The following FRMPD1 variants were observed in gnomAD, a reference collection of about 807,000 sequenced individuals.
FRMPD1 encodes the protein FERM and PDZ domain containing 1, also known as FERM and PDZ domain-containing protein 1.
A neutral mutation model predicts 117.8 loss-of-function variants in FRMPD1; 76 were observed. The ratio of observed to expected loss-of-function variants is 0.65; its 90% CI spans 0.54 to 0.78. The LOEUF (loss-of-function observed/expected upper bound fraction) is 0.78. Ranked by LOEUF, FRMPD1 falls within the 30% of genes least tolerant of loss-of-function variation. FRMPD1 has a pLI of 0.00. For synonymous variants in FRMPD1, 783 were observed against 770.4 expected, an observed-to-expected ratio of 1.02 and a Z score of -0.27; for missense variants, 1,786 against 1,964.5, an observed-to-expected ratio of 0.91 and a Z score of 1.72.
intron 1 of FRMPD1, among the ~76,000 whole-genome samples, chr9:37,681,755 A>G (rs1381271689): frequency 6.6e-6 from 1 of 152,198 alleles, no homozygotes; most frequent in Non-Finnish European, 1.5e-5. Flanking sequence ...AATTCAACAA[A>G]TCTCGATTGA....
In FRMPD1 at chr9:37,746,327, TA is replaced by T. The variant is rs781459765; in HGVS notation, c.4296del (p.Gln1433LysfsTer4). 6.8e-6 allele frequency: 11 copies of T among 1,612,590 alleles called. No homozygotes were observed. Among genetic ancestry groups the T allele is most frequent in the Non-Finnish European group, 9.3e-6 (11 of 1,179,782 alleles). ...CAACTCATGGAGAGCTTGCTGGAGC[TA>T]CAAGACATTTTAGAAACTTCCTGGG... is the stretch of plus-strand genomic sequence containing the variant. Reference protein sequence around the residue: ...FIQLMESLLELQDILETSWGV... With the variant: ...FIQLMESLLEXQDILETSWGV... On this transcript the variant is annotated frameshift_variant, in exon 16 of 16. Transcript: ENST00000377765. LOFTEE classifies it high-confidence loss of function.
At chr9:37,733,275 A>C (rs1823972048) in intron 10 of FRMPD1, among the ~76,000 whole-genome samples, 198 bp from the exon 11 acceptor site, 1 of 152,182 alleles carries the variant, frequency 6.6e-6, no homozygotes. Context: ...AATGGGGTTT[A>C]GTTCCTGAAT....
chr9:37,650,713 C>T (rs1339729310), upstream of FRMPD1, among the ~76,000 whole-genome samples: 2 of 152,116 alleles, frequency 1.3e-5, no homozygotes, highest in Admixed American at 6.5e-5. Flanking sequence ...ACGCTGCGTG[C>T]CCCGGCGGTG....
intron 1 of FRMPD1, among the ~76,000 whole-genome samples, chr9:37,674,143 G>A (rs1821446737): frequency 6.6e-6 from 1 of 152,184 alleles, no homozygotes; most frequent in South Asian, 2.1e-4. Flanking sequence ...AAAACGGAAT[G>A]CCTTTGACAG....
In FRMPD1 at chr9:37,737,083, T is replaced by C. The variant is rs754404290; in HGVS notation, c.1402-13T>C. 8.1e-6 allele frequency: 13 copies of C among 1,607,404 alleles called. No individual in the cohort carries two copies. The highest frequency in any genetic ancestry group is 2.2e-5 in the South Asian group (2 of 90,836). ...GTCCTTGATAAACATGAGATTTCTA[T>C]TTGCTTTCAAAGGTTCTGACTTTGC... On this transcript the variant is annotated splice_polypyrimidine_tract_variant and intron_variant, in intron 13 of 15. Transcript: ENST00000377765.
chr9:37,695,794 G>T (rs1007098256), intron 2 of FRMPD1, among the ~76,000 whole-genome samples: 1 of 151,920 alleles, frequency 6.6e-6, no homozygotes, highest in Non-Finnish European at 1.5e-5. Flanking sequence ...TCTCTCCCTG[G>T]GACCCCCGCA....
the FRMPD1 span, among the ~76,000 whole-genome samples, chr9:37,644,215 A>G: frequency 6.6e-6 from 1 of 152,240 alleles, no homozygotes; most frequent in Non-Finnish European, 1.5e-5. Flanking sequence ...CCACAGAGCT[A>G]TTTGCAGGAA....
At chr9:37,709,376 T>A in intron 4 of FRMPD1, among the ~76,000 whole-genome samples, 1 of 150,578 alleles carries the variant, frequency 6.6e-6, no homozygotes, top group Non-Finnish European at 1.5e-5. Flanking sequence ...TTTTTTGAGA[T>A]GGGGACTTGC....
intron 4 of FRMPD1, 146 bp from the exon 5 acceptor site, chr9:37,711,203 CA>C: frequency 4.7e-6 from 3 of 633,312 alleles, no homozygotes; most frequent in Non-Finnish European, 5.7e-6. Context: ...TTTGCTGAGC[CA>C]AAAAAGCTAA....
At chr9:37,743,130 C>T (rs1330081272) in intron 15 of FRMPD1, among the ~76,000 whole-genome samples, 3 of 152,172 alleles carry the variant, frequency 2.0e-5, no homozygotes, top group Non-Finnish European at 4.4e-5. Context: ...ACAATAGTGC[C>T]TCTCCTCCCA....
intron 7 of FRMPD1, among the ~76,000 whole-genome samples, chr9:37,726,402 A>G (rs566628373): frequency 4.6e-5 from 7 of 152,310 alleles, no homozygotes; most frequent in African/African-American, 1.7e-4. Flanking sequence ...CAACTTGGCA[A>G]TAAATTACCC....
At chr9:37,657,390 G>A (rs1465816958) in intron 1 of FRMPD1, among the ~76,000 whole-genome samples, 1 of 152,234 alleles carries the variant, frequency 6.6e-6, no homozygotes, top group Non-Finnish European at 1.5e-5. Flanking sequence ...AATTATTAAA[G>A]ACGAGGATGG....
the FRMPD1 span, among the ~76,000 whole-genome samples, chr9:37,603,899 C>T: frequency 3.3e-5 from 5 of 152,056 alleles, no homozygotes; most frequent in East Asian, 1.9e-4. Flanking sequence ...AGGTTGGTCT[C>T]GAACTCCTGA....
chr9:37,717,339 A>ATGTGTGTGTGTGTG (rs1202375364), intron 5 of FRMPD1, among the ~76,000 whole-genome samples: 4 of 84,422 alleles, frequency 4.7e-5, no homozygotes, highest in African/African-American at 1.5e-4. Flanking sequence ...GTATGTGTAT[A>ATGTGTGTGTGTGTG]TATGTGTGTG....
intron 6 of FRMPD1, among the ~76,000 whole-genome samples, chr9:37,722,745 A>G (rs1008460756): frequency 2.0e-5 from 3 of 151,160 alleles, no homozygotes; most frequent in Non-Finnish European, 4.4e-5. Flanking sequence ...TTGCAACCAA[A>G]CACTCAGAAT....
chr9:37,692,043 ATTT>A (rs1201182365), intron 1 of FRMPD1, among the ~76,000 whole-genome samples: 2 of 152,226 alleles, frequency 1.3e-5, no homozygotes, highest in African/African-American at 2.4e-5. Flanking sequence ...CTGTCTACAT[ATTT>A]TTTATTATGA....
In FRMPD1 at chr9:37,686,358, A is replaced by C. The variant is rs571171417; in HGVS notation, c.-4-6280A>C. Among the ~76,000 whole-genome samples, 9 of 152,372 alleles carry C rather than the reference A, an allele frequency of 5.9e-5. 1 individual carries two copies. In the South Asian group the frequency reaches 1.7e-3, roughly 28 times the overall value. ...TATGTAAAGAAACTTTCTAACAATA[A>C]GATGGGTCCAACAGGGAATGACAGA... On this transcript the variant is annotated intron_variant, in intron 1 of 15. Coordinates refer to ENST00000377765, the MANE Select transcript of FRMPD1 (RefSeq NM_014907.3).
upstream of FRMPD1, among the ~76,000 whole-genome samples, chr9:37,647,383 G>A (rs555201296): frequency 1.3e-5 from 2 of 151,870 alleles, no homozygotes; most frequent in South Asian, 4.2e-4. Context: ...GGGGTGGCGG[G>A]CACCTGTAGT....
the FRMPD1 span, chr9:37,637,316 G>T: frequency 4.4e-6 from 5 of 1,129,704 alleles, no homozygotes; most frequent in Non-Finnish European, 6.7e-6. Flanking sequence ...AGCCCGCTCA[G>T]TCGCTCCCAG....
Sources: gnomAD v4.1 joint callset for allele counts (sites outside exome capture counted in the v4.1 genomes callset) on GRCh38, gnomAD v4.1.1 for gene constraint, MANE v1.5 for transcripts, NCBI Gene and HGNC (gene_info 2026-07-23, HGNC 2026-07-21) for gene names.